Variants in CHRM5 observed in about 807,000 individuals in gnomAD.
CHRM5 encodes the protein cholinergic receptor muscarinic 5, also known as muscarinic acetylcholine receptor M5.
Under a neutral mutation model 39.0 loss-of-function variants are expected in CHRM5, and 18 were observed. That is an observed-to-expected ratio of 0.46 (90% CI 0.32 to 0.68). The LOEUF (loss-of-function observed/expected upper bound fraction) is 0.68, where lower values mean the gene tolerates loss of function less well. Among genes scored for constraint, CHRM5 ranks in the 30% least tolerant of loss-of-function variants. The pLI, the probability that CHRM5 is intolerant of heterozygous loss-of-function variation, is 0.04. For missense variants in CHRM5, 515 were observed against 651.1 expected, an observed-to-expected ratio of 0.79 and a Z score of 2.28; for synonymous variants, 241 against 246.3, an observed-to-expected ratio of 0.98 and a Z score of 0.20.
At position 34,065,815 on chromosome 15, in the gene CHRM5, C is replaced by T. The variant is rs1306017072; in HGVS notation, c.*1499C>T. ...CAAGGATTTTAAAGATGAAGCACTC[C>T]TGTCAGACATTATTTAACTCGTTGG... On this transcript the variant is annotated 3_prime_UTR_variant, in exon 3 of 3. Transcript: ENST00000383263. 1 of 152,196 alleles carries T rather than the reference C, an allele frequency of 6.6e-6. No individual in the cohort carries two copies. Among genetic ancestry groups the T allele is most frequent in the Non-Finnish European group, 1.5e-5 (1 of 68,038 alleles). 9.4% of individuals were successfully genotyped at this position (152,196 alleles called of 1,614,324 possible).
At chr15:34,058,890 C>CT (rs1009755002) in intron 2 of CHRM5, among the ~76,000 whole-genome samples, 1 of 151,988 alleles carries the variant, frequency 6.6e-6, no homozygotes, top group Non-Finnish European at 1.5e-5. Context: ...GTCCAATTTC[C>CT]TTTTTTTCTT....
chr15:34,010,352 A>C (rs1897584618), intron 1 of CHRM5, among the ~76,000 whole-genome samples: 1 of 152,224 alleles, frequency 6.6e-6, no homozygotes, highest in Admixed American at 6.5e-5. Context: ...AGAAGTTGCC[A>C]AGAGAATACT....
At chr15:33,969,471 A>G (rs1019780790) in intron 1 of CHRM5, among the ~76,000 whole-genome samples, 10 of 152,186 alleles carry the variant, frequency 6.6e-5, no homozygotes, top group Admixed American at 5.9e-4. Flanking sequence ...AGAGCCATTC[A>G]CAGATAATGT....
chr15:33,979,472 A>G (rs903515699), intron 1 of CHRM5, among the ~76,000 whole-genome samples: 1 of 152,192 alleles, frequency 6.6e-6, no homozygotes, highest in African/African-American at 2.4e-5. Flanking sequence ...GCAACAAAGC[A>G]AGACCCTGTC....
chr15:33,971,509 T>C (rs144664537), intron 1 of CHRM5, among the ~76,000 whole-genome samples: 1,778 of 152,194 alleles, frequency 0.012, 35 homozygotes, highest in African/African-American at 0.04. Flanking sequence ...ATCCATTTCG[T>C]GTATGTTGAC....
chr15:34,032,021 A>ACG (rs1898869301), intron 1 of CHRM5, among the ~76,000 whole-genome samples: 1 of 116,340 alleles, frequency 8.6e-6, no homozygotes, highest in Non-Finnish European at 2.0e-5. Flanking sequence ...ACGCGCGCAC[A>ACG]CGCACACACA....
At chr15:34,047,879 C>T (rs1162671409) in intron 2 of CHRM5, among the ~76,000 whole-genome samples, 1 of 152,156 alleles carries the variant, frequency 6.6e-6, no homozygotes, top group African/African-American at 2.4e-5. Flanking sequence ...CTCCCGCACC[C>T]TGTTTCCCAG....
intron 1 of CHRM5, among the ~76,000 whole-genome samples, chr15:33,994,418 A>T (rs983407745): frequency 2.0e-5 from 3 of 152,230 alleles, no homozygotes; most frequent in African/African-American, 2.4e-5. Context: ...TGAGTTGTAT[A>T]ATTATTTCAC....
chr15:34,041,408 G>T (rs1335641515), intron 1 of CHRM5, among the ~76,000 whole-genome samples: 2 of 152,170 alleles, frequency 1.3e-5, no homozygotes, highest in Non-Finnish European at 2.9e-5. Flanking sequence ...GCAAATGTCT[G>T]GTATGAGATT....
intron 1 of CHRM5, among the ~76,000 whole-genome samples, chr15:33,999,219 T>C (rs1361402146): frequency 6.6e-6 from 1 of 152,228 alleles, no homozygotes; most frequent in South Asian, 2.1e-4. Flanking sequence ...AGTGGGGTCA[T>C]CTTCACTGGC....
intron 1 of CHRM5, among the ~76,000 whole-genome samples, chr15:33,979,569 T>C (rs1479998122): frequency 6.6e-6 from 1 of 152,176 alleles, no homozygotes; most frequent in East Asian, 1.9e-4. Flanking sequence ...CCACAAATAC[T>C]TGTATGGCCT....
intron 1 of CHRM5, among the ~76,000 whole-genome samples, chr15:34,012,279 GAC>G (rs10546039): frequency 0.28 from 42,817 of 151,970 alleles, 7,446 homozygotes; most frequent in African/African-American, 0.49. Flanking sequence ...TTAATCCACA[GAC>G]ACACACAATA....
rs1462174449 is a variant in CHRM5, at chr15:33,968,724, T to TAATGTTTTTTA, written c.-831_-821dup. The TAATGTTTTTTA allele has an allele frequency of 2.6e-5, 4 of 152,104 alleles. No individual in the cohort carries two copies. Among genetic ancestry groups the TAATGTTTTTTA allele is most frequent in the African/African-American group, 9.7e-5 (4 of 41,438 alleles). The allele number at this position is 152,104 out of a possible 1,614,324, so 9.4% of individuals were successfully genotyped here. A position where few individuals can be genotyped will look rare whatever the true frequency, so the allele number is the denominator to read the frequency against. On this transcript the variant is annotated 5_prime_UTR_variant, in exon 1 of 3. In the 5' UTR this introduces an upstream ATG that the reference lacks. Coordinates refer to ENST00000383263, the MANE Select transcript of CHRM5 (RefSeq NM_012125.4). ...AGAACATCCATGCTTCTAGTCCAGA[T>TAATGTTTTTTA]AATGTTTTTTAAAGCAGCTTGATTT...
intron 1 of CHRM5, among the ~76,000 whole-genome samples, chr15:34,004,022 C>T (rs1387815163): frequency 5.3e-5 from 8 of 152,302 alleles, no homozygotes; most frequent in African/African-American, 1.7e-4. Context: ...CTCTCAGGTA[C>T]TCTCTTAGCA....
chr15:33,976,055 T>C (rs944144861), intron 1 of CHRM5, among the ~76,000 whole-genome samples: 1 of 152,318 alleles, frequency 6.6e-6, no homozygotes, highest in East Asian at 1.9e-4. Context: ...AACTCTGCAA[T>C]TTACTTGCTT....
intron 1 of CHRM5, among the ~76,000 whole-genome samples, chr15:34,021,449 C>T (rs772956351): frequency 8.5e-5 from 13 of 152,142 alleles, no homozygotes; most frequent in Admixed American, 7.8e-4. Context: ...CCATGCCCAG[C>T]TAAGTTTGTA....
chr15:33,993,555 A>G (rs1034881063), intron 1 of CHRM5, among the ~76,000 whole-genome samples: 1 of 152,236 alleles, frequency 6.6e-6, no homozygotes, highest in Non-Finnish European at 1.5e-5. Flanking sequence ...CAGAAATTTT[A>G]CCATTAGAAA....
chr15:33,991,602 T>C (rs1441449087), intron 1 of CHRM5: 2 of 152,046 alleles, frequency 1.3e-5, no homozygotes, highest in Non-Finnish European at 2.9e-5. Flanking sequence ...ATGTGACCTG[T>C]AGAAAGCACC....
At chr15:34,017,987 A>C (rs920213706) in intron 1 of CHRM5, among the ~76,000 whole-genome samples, 1 of 152,246 alleles carries the variant, frequency 6.6e-6, no homozygotes, top group South Asian at 2.1e-4. Context: ...ATTACCAGTC[A>C]TATAAAAGTC....
Sources: allele counts gnomAD v4.1 joint callset (sites outside exome capture counted in the v4.1 genomes callset), GRCh38; gene constraint gnomAD v4.1.1; transcripts MANE v1.5; gene names NCBI Gene and HGNC (gene_info 2026-07-23, HGNC 2026-07-21).